Variants in TANGO6 observed in about 807,000 individuals in gnomAD.
TANGO6 encodes transport and golgi organization 6 homolog, also known as transport and Golgi organization protein 6 homolog.
In TANGO6, 90 loss-of-function variants were observed where a neutral mutation model predicts 114.2. That is an observed-to-expected ratio of 0.79 (90% CI 0.66 to 0.94). The LOEUF (loss-of-function observed/expected upper bound fraction) is 0.94, where lower values mean the gene tolerates loss of function less well. Ranked by LOEUF, TANGO6 falls within the 40% of genes least tolerant of loss-of-function variation. The probability of loss-of-function intolerance (pLI) is 0.00; values close to 1 mark genes in which losing one functional copy is unlikely to be tolerated. For synonymous variants in TANGO6, 477 were observed against 509.8 expected (o/e 0.94, Z 0.87); for missense variants, 1,274 against 1,315.3 (o/e 0.97, Z 0.49).
At chr16:68,954,594 A>G (rs1420195011) in intron 14 of TANGO6, among the ~76,000 whole-genome samples, 2 of 152,240 alleles carry the variant, frequency 1.3e-5, no homozygotes, top group Non-Finnish European at 2.9e-5. Context: ...TTCATGTGTC[A>G]TGCCACATAC....
chr16:69,039,162 G>A (rs1355536074), intron 16 of TANGO6, among the ~76,000 whole-genome samples: 3 of 151,962 alleles, frequency 2.0e-5, no homozygotes, highest in Non-Finnish European at 4.4e-5. Flanking sequence ...TCCAGCCTGG[G>A]CGACAGAGTG....
rs556276768 is a variant in TANGO6 at position 68,927,234 on chromosome 16, T to C, written c.2128-334T>C. Among the ~76,000 whole-genome samples the C allele has an allele frequency of 2.6e-4, 40 of 152,298 alleles. No individual in the cohort carries two copies. The South Asian group carries it at 7.7e-3, about 29-fold the overall frequency. ...AGTTTCTTGAGTTCACATCTTACTATCTTCCAGTCTGTGACCTTGGGCATG... is the reference window on the plus strand; with the variant it reads ...AGTTTCTTGAGTTCACATCTTACTACCTTCCAGTCTGTGACCTTGGGCATG... On this transcript the variant is annotated intron_variant, in intron 12 of 17. Coordinates refer to ENST00000261778, the MANE Select transcript of TANGO6 (RefSeq NM_024562.2).
intron 11 of TANGO6, among the ~76,000 whole-genome samples, chr16:68,915,385 G>A (rs1962987999): frequency 6.6e-6 from 1 of 152,090 alleles, no homozygotes; most frequent in African/African-American, 2.4e-5. Context: ...TCCCACCTCA[G>A]CTTCCTGGGT....
At position 68,980,435 on chromosome 16, in the gene TANGO6, A is replaced by ATT. The variant is rs1291932299; in HGVS notation, c.2842+6283_2842+6284dup. The stretch of plus-strand genomic sequence containing the variant: ...TATATATATATATATATATATATAT[A>ATT]TTTTTTTTTTTTTTTTTGAGATAGG... On this transcript the variant is annotated intron_variant, in intron 15 of 17. Transcript: ENST00000261778. Among the ~76,000 whole-genome samples, 434 of 61,756 alleles carry ATT rather than the reference A, an allele frequency of 7.0e-3. 26 individuals are homozygous for ATT. Among genetic ancestry groups the ATT allele is most frequent in the South Asian group, 0.019 (36 of 1,898 alleles). 40.5% of individuals were successfully genotyped at this position (61,756 alleles called of 152,430 possible).
At chr16:69,048,759 A>C (rs980181593) in intron 17 of TANGO6, among the ~76,000 whole-genome samples, 32 of 152,216 alleles carry the variant, frequency 2.1e-4, no homozygotes, top group African/African-American at 7.7e-4. Context: ...TGGTTTGTAT[A>C]TGATGCTCTG....
intron 7 of TANGO6, among the ~76,000 whole-genome samples, chr16:68,893,399 C>A (rs139486928): frequency 1.3e-5 from 2 of 152,214 alleles, no homozygotes; most frequent in East Asian, 3.9e-4. Context: ...AAAAAGGGAA[C>A]TTTCAGTGAT....
intron 15 of TANGO6, among the ~76,000 whole-genome samples, chr16:68,982,560 C>T (rs1963847097): frequency 6.6e-6 from 1 of 151,330 alleles, no homozygotes; most frequent in South Asian, 2.1e-4. Flanking sequence ...GAACTCCTCA[C>T]ATCAGATGAT....
In TANGO6 at chr16:68,864,593, A is replaced by G. The variant is rs149887115; in HGVS notation, c.852+1532A>G. Among the ~76,000 whole-genome samples the G allele has an allele frequency of 2.4e-4, 37 of 152,118 alleles. No individual in the cohort carries two copies. The East Asian group carries it at 6.8e-3, about 28-fold the overall frequency. On this transcript the variant is annotated intron_variant, in intron 3 of 17. Coordinates refer to ENST00000261778, the MANE Select transcript of TANGO6 (RefSeq NM_024562.2). ...GAGATCTTGTCTTTAAAAAAAAAACAAAAGAAAAAGAGCGAGAAGCCAAAG... is the reference window on the plus strand; with the variant it reads ...GAGATCTTGTCTTTAAAAAAAAAACGAAAGAAAAAGAGCGAGAAGCCAAAG...
In TANGO6 at chr16:68,902,521, G is replaced by A. The variant is rs761094032; in HGVS notation, c.1667+17G>A. ...GGCCATTAGGTGAGTCCACCCATCCGTTACTGTTCTCTTCAGATTTAGTTC... is the reference window on the plus strand; with the variant it reads ...GGCCATTAGGTGAGTCCACCCATCCATTACTGTTCTCTTCAGATTTAGTTC... On this transcript the variant is annotated intron_variant, in intron 9 of 17. Coordinates refer to ENST00000261778, the MANE Select transcript of TANGO6 (RefSeq NM_024562.2). 2.8e-5 allele frequency: 44 copies of A among 1,588,134 alleles called. No individual in the cohort carries two copies. Among genetic ancestry groups the A allele is most frequent in the Non-Finnish European group, 3.6e-5 (42 of 1,168,820 alleles).
chr16:68,945,500 A>G (rs1963405125), intron 14 of TANGO6, among the ~76,000 whole-genome samples: 1 of 152,128 alleles, frequency 6.6e-6, no homozygotes, highest in African/African-American at 2.4e-5. Flanking sequence ...CTCAACTCTT[A>G]GGTGGGTATG....
intron 6 of TANGO6, 48 bp downstream of exon 6, chr16:68,878,328 T>G (rs370817136): frequency 5.2e-5 from 80 of 1,539,728 alleles, no homozygotes; most frequent in Middle Eastern, 5.2e-4. Context: ...AGGACCTTCT[T>G]CAGTATTTCA....
chr16:69,022,886 A>G lies in TANGO6; in HGVS notation c.2901A>G (p.Arg967=). 1 of 1,596,786 alleles carries G rather than the reference A, an allele frequency of 6.3e-7. No homozygotes were observed. Among genetic ancestry groups the G allele is most frequent in the Non-Finnish European group, 8.5e-7 (1 of 1,171,364 alleles). ...TCCATACCTTCCTGAGGGGAGTGAG[A>G]GATCCTGATGGTGCTCACAGGGCCA... ...PLIHTFLRGV[R]DPDGAHRASS... The change falls in exon 16 of 18, where the codon AGA becomes AGG. Residue 967 remains arginine (R), a synonymous_variant. Coordinates refer to ENST00000261778, the MANE Select transcript of TANGO6 (RefSeq NM_024562.2).
At chr16:69,038,152 G>C (rs1401155803) in intron 16 of TANGO6, among the ~76,000 whole-genome samples, 1 of 152,192 alleles carries the variant, frequency 6.6e-6, no homozygotes, top group Non-Finnish European at 1.5e-5. Context: ...TGAGAGGCCA[G>C]GTGCGGTGGC....
intron 17 of TANGO6, among the ~76,000 whole-genome samples, chr16:69,079,433 A>G (rs1960434119): frequency 6.6e-6 from 1 of 151,896 alleles, no homozygotes; most frequent in African/African-American, 2.4e-5. Flanking sequence ...AAAACACAAA[A>G]TCCAGAAACC....
intron 15 of TANGO6, among the ~76,000 whole-genome samples, chr16:68,980,409 C>CTCTCTCTCTCTCTCTCTCTCTCTA (rs1408626276): frequency 2.4e-4 from 16 of 67,984 alleles, no homozygotes; most frequent in East Asian, 1.2e-3. Flanking sequence ...CTCTCTCTCT[C>CTCTCTCTCTCTCTCTCTCTCTCTA]TATATATATA....
chr16:68,922,943 T>TTG (rs1963115337), intron 12 of TANGO6, among the ~76,000 whole-genome samples: 1 of 136,430 alleles, frequency 7.3e-6, no homozygotes. Context: ...GGTCATGTTT[T>TTG]TTTTTTTTTT....
chr16:68,974,545 C>G (rs1037594992), intron 15 of TANGO6, among the ~76,000 whole-genome samples: 1 of 151,970 alleles, frequency 6.6e-6, no homozygotes, highest in Non-Finnish European at 1.5e-5. Context: ...GCCTGTAATC[C>G]CACTACTCGG....
Position 69,004,225 on chromosome 16 carries a change from C to T in TANGO6, c.2843-18603C>T, listed in dbSNP as rs903505489. Among the ~76,000 whole-genome samples the T allele has an allele frequency of 4.6e-5, 7 of 152,152 alleles. No individual in the cohort carries two copies. In the East Asian group the frequency reaches 9.6e-4, roughly 21 times the overall value. ...ATATAACATAATAAATGTAAATACA[C>T]GTAAACACAGCTAGACATGTATGCA... On this transcript the variant is annotated intron_variant, in intron 15 of 17. Transcript: ENST00000261778.
chr16:68,858,803 A>C (rs952578527), intron 1 of TANGO6, among the ~76,000 whole-genome samples: 18 of 152,158 alleles, frequency 1.2e-4, no homozygotes, highest in African/African-American at 4.3e-4. Context: ...TTCTGATATA[A>C]GCTTTACAGC....
Sources: gnomAD v4.1 joint callset for allele counts (sites outside exome capture counted in the v4.1 genomes callset) on GRCh38, gnomAD v4.1.1 for gene constraint, MANE v1.5 for transcripts, NCBI Gene and HGNC (gene_info 2026-07-23, HGNC 2026-07-21) for gene names.